Variants in DGKB observed in about 807,000 individuals in gnomAD.
DGKB encodes the protein diacylglycerol kinase beta, also known as 90 kDa diacylglycerol kinase.
In DGKB, 67 loss-of-function variants were observed where a neutral mutation model predicts 114.3. That is an observed-to-expected ratio of 0.59 (90% CI 0.48 to 0.72). The LOEUF (loss-of-function observed/expected upper bound fraction) is 0.72. Ranked by LOEUF, DGKB falls within the 30% of genes least tolerant of loss-of-function variation. The probability of loss-of-function intolerance (pLI) is 0.00; values close to 1 mark genes in which losing one functional copy is unlikely to be tolerated. For missense variants in DGKB, 907 were observed against 975.2 expected, an observed-to-expected ratio of 0.93 and a Z score of 0.93; for synonymous variants, 398 against 323.1, an observed-to-expected ratio of 1.23 and a Z score of -2.49.
chr7:14,266,683 C>G (rs1488670089), intron 23 of DGKB, among the ~76,000 whole-genome samples: 1 of 152,158 alleles, frequency 6.6e-6, no homozygotes, highest in East Asian at 1.9e-4. Context: ...AAAATGACAA[C>G]ATTTTGTCAT....
At chr7:14,275,177 A>G (rs750899049) in intron 23 of DGKB, among the ~76,000 whole-genome samples, 1 of 152,102 alleles carries the variant, frequency 6.6e-6, no homozygotes, top group South Asian at 2.1e-4. Context: ...GTTTATTCTC[A>G]TGACATTATA....
rs551520427 is a variant in DGKB at position 14,743,976 on chromosome 7, A to C, written c.169-7782T>G. ...ACAGGACTCATGAAAGAGCTGAAAC[A>C]TTCACGAATATCAAGCAGAGCATGA... is the stretch of plus-strand genomic sequence containing the variant. On this transcript the variant is annotated intron_variant, in intron 4 of 25. Coordinates refer to ENST00000402815, the MANE Select transcript of DGKB (RefSeq NM_001350709.2). 1.4e-4 allele frequency among the ~76,000 whole-genome samples: 22 copies of C among 152,348 alleles called. No individual in the cohort carries two copies. The South Asian group carries it at 4.6e-3, about 32-fold the overall frequency.
At chr7:14,244,352 A>G (rs1241180312) in intron 23 of DGKB, among the ~76,000 whole-genome samples, 2 of 152,038 alleles carry the variant, frequency 1.3e-5, no homozygotes, top group South Asian at 2.1e-4. Context: ...CTGATCCTCA[A>G]CGTGATATTA....
chr7:14,382,216 A>T (rs188208583), intron 21 of DGKB, among the ~76,000 whole-genome samples: 85 of 152,292 alleles, frequency 5.6e-4, no homozygotes, highest in Admixed American at 4.0e-3. Context: ...GAGACTGGGG[A>T]TATGCCTACC....
intron 13 of DGKB, among the ~76,000 whole-genome samples, chr7:14,661,363 A>T (rs1817032293): frequency 6.9e-6 from 1 of 145,970 alleles, no homozygotes; most frequent in African/African-American, 2.5e-5. Context: ...TACAAGAAAA[A>T]AACAAACAAC....
chr7:14,231,511 A>G (rs1791840687), intron 23 of DGKB, among the ~76,000 whole-genome samples: 1 of 152,046 alleles, frequency 6.6e-6, no homozygotes, highest in African/African-American at 2.4e-5. Context: ...TATATCAGAA[A>G]ATCATGAAAA....
chr7:14,974,242 A>G (rs1430326970), intron 1 of DGKB, among the ~76,000 whole-genome samples: 1 of 151,948 alleles, frequency 6.6e-6, no homozygotes, highest in Non-Finnish European at 1.5e-5. Flanking sequence ...GATGACTAAT[A>G]TTTTCTTTCT....
chr7:14,614,004 A>C (rs10273764), intron 15 of DGKB, among the ~76,000 whole-genome samples: 48,824 of 151,984 alleles, frequency 0.32, 8,205 homozygotes, highest in East Asian at 0.69. Context: ...TTAATCAAGT[A>C]TATTTGCTAA....
chr7:14,442,042 A>G (rs1830150163), intron 21 of DGKB, among the ~76,000 whole-genome samples: 1 of 151,960 alleles, frequency 6.6e-6, no homozygotes, highest in Non-Finnish European at 1.5e-5. Context: ...CTTAGATTCA[A>G]ATGTCATAAA....
intron 21 of DGKB, among the ~76,000 whole-genome samples, chr7:14,422,356 A>G (rs1826846257): frequency 6.6e-6 from 1 of 152,080 alleles, no homozygotes; most frequent in Non-Finnish European, 1.5e-5. Flanking sequence ...TTTCTGTTGC[A>G]AACATTGTGT....
At chr7:14,467,983 C>G (rs1307362299) in intron 21 of DGKB, among the ~76,000 whole-genome samples, 1 of 151,768 alleles carries the variant, frequency 6.6e-6, no homozygotes, top group Non-Finnish European at 1.5e-5. Context: ...ACAATTGTTC[C>G]CTGGGATAAT....
rs757750574 is a variant in DGKB, at chr7:14,757,727, A to G, written c.75T>C (p.Ser25=). The G allele has an allele frequency of 1.3e-6, 2 of 1,592,172 alleles. No homozygotes were observed. Among genetic ancestry groups the G allele is most frequent in the Admixed American group, 3.4e-5 (2 of 59,212 alleles). The change falls in exon 3 of 26, where the codon TCT becomes TCC. Residue 25 remains serine (S), a synonymous_variant. Coordinates refer to ENST00000402815, the MANE Select transcript of DGKB (RefSeq NM_001350709.2). ...FSQLQKYAEY[S]TKKLKDVLEE... ...CAAGAACATCCTTTAATTTCTTTGT[A>G]GAATCTATAAAAAACAGAAAACACA...
chr7:14,375,546 A>C (rs560427724), intron 21 of DGKB, among the ~76,000 whole-genome samples: 17 of 152,330 alleles, frequency 1.1e-4, no homozygotes, highest in Admixed American at 3.3e-4. Context: ...TTGATTCTTC[A>C]TAACTGCTGT....
intron 1 of DGKB, among the ~76,000 whole-genome samples, chr7:14,915,590 T>C (rs1784203948): frequency 6.6e-6 from 1 of 152,124 alleles, no homozygotes; most frequent in African/African-American, 2.4e-5. Flanking sequence ...GCTTTGCCTA[T>C]AGAAGAACAA....
intron 20 of DGKB, among the ~76,000 whole-genome samples, chr7:14,493,449 C>T (rs959136321): frequency 5.9e-5 from 9 of 151,920 alleles, no homozygotes; most frequent in South Asian, 4.1e-4. Flanking sequence ...ATAAAAGTTA[C>T]GTGAATGTGG....
chr7:14,972,005 C>A (rs1787501215), intron 1 of DGKB, among the ~76,000 whole-genome samples: 1 of 152,092 alleles, frequency 6.6e-6, no homozygotes, highest in Admixed American at 6.6e-5. Context: ...TTAGGCCTCC[C>A]AAAGTGCAGG....
chr7:14,876,677 G>T (rs146337125), intron 1 of DGKB, among the ~76,000 whole-genome samples: 1 of 152,110 alleles, frequency 6.6e-6, no homozygotes, highest in Non-Finnish European at 1.5e-5. Context: ...TTGCTTTCCT[G>T]GACTCGTTAG....
At chr7:14,680,826 G>A (rs922750595) in intron 12 of DGKB, among the ~76,000 whole-genome samples, 1 of 151,910 alleles carries the variant, frequency 6.6e-6, no homozygotes, top group Non-Finnish European at 1.5e-5. Context: ...AGGCAGCAAT[G>A]CATGTTTTTA....
intron 1 of DGKB, among the ~76,000 whole-genome samples, chr7:14,892,947 C>T (rs1476026076): frequency 2.0e-5 from 3 of 149,002 alleles, no homozygotes; most frequent in Non-Finnish European, 4.5e-5. Context: ...TATATACACA[C>T]ACATATGTGT....
Sources: gnomAD v4.1 joint callset for allele counts (sites outside exome capture counted in the v4.1 genomes callset) on GRCh38, gnomAD v4.1.1 for gene constraint, MANE v1.5 for transcripts, NCBI Gene and HGNC (gene_info 2026-07-23, HGNC 2026-07-21) for gene names.